The following WDR1 variants were observed in gnomAD, a reference collection of about 807,000 sequenced individuals.
WDR1 encodes the protein WD repeat domain 1.
Under a neutral mutation model 71.9 loss-of-function variants are expected in WDR1, and 21 were observed. The ratio of observed to expected loss-of-function variants is 0.29; its 90% CI spans 0.21 to 0.42. The LOEUF (loss-of-function observed/expected upper bound fraction) is 0.42. WDR1 is among the 10% of genes least tolerant of loss of function. WDR1 has a pLI of 1.00. For synonymous variants in WDR1, 424 were observed against 347.4 expected (o/e 1.22, Z -2.45); for missense variants, 696 against 824.5 (o/e 0.84, Z 1.91).
intron 5 of WDR1, chr4:10,092,857 C>G: frequency 2.5e-6 from 1 of 394,100 alleles, no homozygotes. Flanking sequence ...CTCTGCCCCA[C>G]CCCAGCCAAC....
intron 2 of WDR1, among the ~76,000 whole-genome samples, chr4:10,107,684 C>T (rs1290503774): frequency 6.6e-6 from 1 of 152,230 alleles, no homozygotes; most frequent in Non-Finnish European, 1.5e-5. Flanking sequence ...AGAGCTGGGG[C>T]TGGGATAAGA....
intron 5 of WDR1, 24 bp downstream of exon 5, chr4:10,097,687 C>T: frequency 1.3e-6 from 2 of 1,598,082 alleles, no homozygotes; most frequent in African/African-American, 1.3e-5. Context: ...CCACAAATTT[C>T]ACCCAAAAAG....
rs1223590589 is a variant in WDR1, at chr4:10,077,762, G to A, written c.1560C>T (p.Asp520=). 13 of 1,587,830 alleles carry A rather than the reference G, an allele frequency of 8.2e-6. No homozygotes were observed. Among genetic ancestry groups the A allele is most frequent in the African/African-American group, 2.7e-5 (2 of 74,342 alleles). Residue 520 remains aspartate (D), a synonymous_variant, in exon 13 of 15, where the codon GAC becomes GAT. Coordinates refer to ENST00000499869, the MANE Select transcript of WDR1 (RefSeq NM_017491.5). ...SKVVTVFSVA[D]GYSENNVFYG... ...GCCCGCCGCCACTCACCGAGTAGCC[G>A]TCAGCAACGCTGAACACTGTGACCA...
At chr4:10,105,479 C>A (rs1303436441) in intron 2 of WDR1, among the ~76,000 whole-genome samples, 1 of 152,208 alleles carries the variant, frequency 6.6e-6, no homozygotes, top group Admixed American at 6.5e-5. Flanking sequence ...AGGTGTCTAT[C>A]CAAAGAAGAT....
chr4:10,094,817 C>T (rs956614114), intron 5 of WDR1: 8 of 152,246 alleles, frequency 5.3e-5, no homozygotes, highest in African/African-American at 9.7e-5. Context: ...TCCCTCAGGA[C>T]GAGGGGCACA....
rs763390125 is a variant in WDR1 at position 10,087,854 on chromosome 4, C to A, written c.804G>T (p.Val268=). ...SKIWDVSVNS[V]VSTFPMGSTV... ...TGGAGCCCATGGGAAATGTGCTGAC[C>A]ACGGAGTTCACGCTGACGTCCCAAA... Residue 268 remains valine (V), a synonymous_variant, in exon 8 of 15, where the codon GTG becomes GTT. Coordinates refer to ENST00000499869, the MANE Select transcript of WDR1 (RefSeq NM_017491.5). 6.4e-7 allele frequency: 1 copy of A among 1,572,258 alleles called. No individual in the cohort carries two copies. Among genetic ancestry groups the A allele is most frequent in the Non-Finnish European group, 8.6e-7 (1 of 1,157,946 alleles).
At chr4:10,083,214 ACTGCTGGG>A in intron 9 of WDR1, 36 bp from the exon 10 acceptor site, 1 of 1,600,780 alleles carries the variant, frequency 6.2e-7, no homozygotes, top group Non-Finnish European at 8.5e-7. Context: ...GGCTCCCAGG[ACTGCTGGG>A]TGTTCTCAGG....
intron 2 of WDR1, among the ~76,000 whole-genome samples, chr4:10,113,982 C>G (rs1046848317): frequency 1.3e-5 from 2 of 152,186 alleles, no homozygotes; most frequent in African/African-American, 2.4e-5. Flanking sequence ...TCTTCCCTCC[C>G]TGAGCCTGCA....
chr4:10,103,267 T>TACACACACACACACACACACAGACACAC lies in WDR1; in HGVS notation c.229+601_229+628dup, dbSNP rs1399181645. ...ACAAAACAAAACATCCATTCACACATACACACACACACACACACACAGACA... is the reference window on the plus strand; with the variant it reads ...ACAAAACAAAACATCCATTCACACATACACACACACACACACACACAGACACACACACACACACACACACACACAGACA... On this transcript the variant is annotated intron_variant, in intron 3 of 14. Transcript: ENST00000499869. Among the ~76,000 whole-genome samples, 42 of 142,900 alleles carry TACACACACACACACACACACAGACACAC rather than the reference T, an allele frequency of 2.9e-4. 1 individual carries two copies. Among genetic ancestry groups the TACACACACACACACACACACAGACACAC allele is most frequent in the Non-Finnish European group, 9.3e-5 (6 of 64,372 alleles). The allele number at this position is 142,900 out of a possible 152,430, so 93.7% of individuals were successfully genotyped here.
At chr4:10,081,950 A>G (rs113698343) in intron 10 of WDR1, among the ~76,000 whole-genome samples, 22 of 152,176 alleles carry the variant, frequency 1.4e-4, no homozygotes, top group African/African-American at 4.6e-4. Context: ...CTTCTTGAAA[A>G]CTGAGATAAT....
intron 3 of WDR1, among the ~76,000 whole-genome samples, chr4:10,103,258 A>G (rs1345722569): frequency 1.5e-5 from 2 of 137,694 alleles, no homozygotes; most frequent in African/African-American, 5.8e-5. Context: ...CAAAACATCC[A>G]TTCACACATA....
chr4:10,079,383 T>C (rs933149376), intron 11 of WDR1, among the ~76,000 whole-genome samples: 1 of 152,244 alleles, frequency 6.6e-6, no homozygotes, highest in Non-Finnish European at 1.5e-5. Flanking sequence ...GTGCCAGCGC[T>C]CTGCTGTGAG....
Position 10,081,434 on chromosome 4 carries a change from C to G in WDR1, c.1207G>C (p.Val403Leu). ...TTTGGCTGAACGTCCAGTTTCACAA[C>G]TCCTTGTCCGCTGTTAGAGAGAAAG... ...LMLRDYSGQGVVKLDVQPKCV... is the reference protein window; with the variant it reads ...LMLRDYSGQGLVKLDVQPKCV... The change falls in exon 11 of 15, where the codon GTT becomes CTT. Residue 403 changes from valine to leucine, a missense_variant. Coordinates refer to ENST00000499869, the MANE Select transcript of WDR1 (RefSeq NM_017491.5). 6.2e-7 allele frequency: 1 copy of G among 1,613,900 alleles called. No individual in the cohort carries two copies. The highest frequency in any genetic ancestry group is 8.5e-7 in the Non-Finnish European group (1 of 1,179,850).
intron 13 of WDR1, 70 bp downstream of exon 13, chr4:10,077,683 C>T: frequency 6.8e-7 from 1 of 1,480,132 alleles, no homozygotes; most frequent in Non-Finnish European, 9.0e-7. Flanking sequence ...GTCACCAAGT[C>T]ACAGATAACC....
intron 2 of WDR1, 55 bp from the exon 3 acceptor site, chr4:10,104,041 C>T (rs1456772420): frequency 3.3e-6 from 5 of 1,509,642 alleles, no homozygotes; most frequent in South Asian, 2.4e-5. Context: ...GTCAAGCTTC[C>T]AGCTCTCCAC....
rs1764763392 is a variant in WDR1, at chr4:10,075,420, G to A, written c.1779C>T (p.Thr593=). Residue 593 remains threonine, a synonymous_variant, in exon 15 of 15, where the codon ACC becomes ACT. Coordinates refer to ENST00000499869, the MANE Select transcript of WDR1 (RefSeq NM_017491.5). The part of the protein sequence containing the change: ...AWLDEHTLVT[T]SHDASVKEWT... ...ACTCCTTGACAGAGGCATCATGGGA[G>A]GTCGTGACCAGCGTGTGCTCGTCCA... is the stretch of plus-strand genomic sequence containing the variant. The A allele has an allele frequency of 1.2e-6, 2 of 1,613,896 alleles. No homozygotes were observed. The highest frequency in any genetic ancestry group is 1.7e-6 in the Non-Finnish European group (2 of 1,179,900).
At chr4:10,099,932 G>A (rs975131435) in intron 3 of WDR1, among the ~76,000 whole-genome samples, 5 of 152,256 alleles carry the variant, frequency 3.3e-5, no homozygotes, top group African/African-American at 9.6e-5. Flanking sequence ...GCAACACCGG[G>A]GGCCACGTAC....
At chr4:10,077,681 G>A in intron 13 of WDR1, 72 bp downstream of exon 13, 1 of 1,479,644 alleles carries the variant, frequency 6.8e-7, no homozygotes, top group Non-Finnish European at 9.0e-7. Context: ...AGGTCACCAA[G>A]TCACAGATAA....
At chr4:10,082,543 C>G (rs1560529905) in intron 10 of WDR1, among the ~76,000 whole-genome samples, 1 of 152,180 alleles carries the variant, frequency 6.6e-6, no homozygotes, top group Non-Finnish European at 1.5e-5. Context: ...CAATCAAAGG[C>G]CCAAGACCAA....
Sources: allele counts gnomAD v4.1 joint callset (sites outside exome capture counted in the v4.1 genomes callset), GRCh38; gene constraint gnomAD v4.1.1; transcripts MANE v1.5; gene names NCBI Gene and HGNC (gene_info 2026-07-23, HGNC 2026-07-21).